Variants in PTPRU observed in about 807,000 individuals in gnomAD.
The protein encoded by PTPRU is protein tyrosine phosphatase receptor type U, also known as receptor-type tyrosine-protein phosphatase U.
PTPRU carries 69 observed loss-of-function variants against 166.3 expected under a neutral mutation model. The ratio of observed to expected loss-of-function variants is 0.41; its 90% CI spans 0.34 to 0.51. The LOEUF (loss-of-function observed/expected upper bound fraction) is 0.51, where lower values mean the gene tolerates loss of function less well. Ranked by LOEUF, PTPRU falls within the 20% of genes least tolerant of loss-of-function variation. The pLI, the probability that PTPRU is intolerant of heterozygous loss-of-function variation, is 0.09. For synonymous variants in PTPRU, 793 were observed against 814.0 expected, an observed-to-expected ratio of 0.97 and a Z score of 0.44; for missense variants, 1,657 against 2,013.7, an observed-to-expected ratio of 0.82 and a Z score of 3.39.
chr1:29,250,924 C>T (rs1291443249), intron 1 of PTPRU, among the ~76,000 whole-genome samples: 1 of 152,198 alleles, frequency 6.6e-6, no homozygotes, highest in African/African-American at 2.4e-5. Context: ...TAGAGACGGA[C>T]ATGGGTCAGG....
In PTPRU at chr1:29,258,744, G is replaced by A. The variant is rs374109095; in HGVS notation, c.445G>A (p.Ala149Thr). ...CCGTCAGTGGCACCAGGCTGAGCTGGCTGTCAGCACTTTCTGGCCCAATGA... is the reference window on the plus strand; with the variant it reads ...CCGTCAGTGGCACCAGGCTGAGCTGACTGTCAGCACTTTCTGGCCCAATGA... ...HGRQWHQAEL[A>T]VSTFWPNEYQ... Residue 149 changes from alanine to threonine, a missense_variant, in exon 3 of 30, where the codon GCT (alanine) becomes ACT (threonine). By Grantham distance (58) the Ala-to-Thr change is moderately conservative. Coordinates refer to ENST00000373779, the MANE Select transcript of PTPRU (RefSeq NM_133178.4). The A allele has an allele frequency of 1.3e-5, 21 of 1,597,070 alleles. No homozygotes were observed. The highest frequency in any genetic ancestry group is 2.7e-5 in the African/African-American group (2 of 74,608).
rs760171185 is a variant in PTPRU, at chr1:29,282,766, C to T, written c.1959C>T (p.Phe653=). The T allele has an allele frequency of 8.1e-6, 13 of 1,613,948 alleles. No homozygotes were observed. Among genetic ancestry groups the T allele is most frequent in the East Asian group, 2.2e-5 (1 of 44,886 alleles). Residue 653 remains phenylalanine (F), a synonymous_variant, in exon 12 of 30, where the codon TTC becomes TTT. Transcript: ENST00000373779. ...ACTGCTTCCCAGTGCCATTGACCTT[C>T]GAGGCGGCGCTGGCCCGAGGCCTGG... The part of the protein sequence containing the change: ...GQDCFPVPLT[F]EAALARGLVH...
Position 29,260,894 on chromosome 1 carries a change from A to G in PTPRU, c.1135A>G (p.Lys379Glu). Residue 379 changes from lysine (K) to glutamate (E), a missense_variant, in exon 7 of 30, where the codon AAA (lysine) becomes GAA (glutamate). Transcript: ENST00000373779. This position sits in a 1 kb window ranked among gnomAD's most constrained non-coding sequence, Gnocchi z 8.3. The stretch of plus-strand genomic sequence containing the variant: ...TGGGCCACCCCTCATCAGCCGCACC[A>G]AATGCGCAGGTGGGTGCAGCAGCTA... ...RPGPPLISRTKCAEPMRAPKG... is the reference protein window; with the variant it reads ...RPGPPLISRTECAEPMRAPKG... The G allele has an allele frequency of 6.4e-7, 1 of 1,572,568 alleles. No individual in the cohort carries two copies. The highest frequency in any genetic ancestry group is 8.6e-7 in the Non-Finnish European group (1 of 1,162,764).
intron 11 of PTPRU, among the ~76,000 whole-genome samples, chr1:29,282,245 A>T (rs917772124): frequency 6.6e-6 from 1 of 152,240 alleles, no homozygotes; most frequent in East Asian, 1.9e-4. Context: ...GAATCTGGCT[A>T]ACCCTGTCAT....
Position 29,260,751 on chromosome 1 carries a change from G to C in PTPRU, c.992G>C (p.Trp331Ser). ...GAGTACCGCATGGCGCGCGGGCCCT[G>C]GGCTGAGGTGCACGCCGTCAGCCTG... ...EIEYRMARGPWAEVHAVSLQT... is the reference protein window; with the variant it reads ...EIEYRMARGPSAEVHAVSLQT... Residue 331 changes from tryptophan to serine, a missense_variant, in exon 7 of 30, where the codon TGG (tryptophan) becomes TCG (serine). Trp to Ser is a radical substitution (Grantham distance 177). Around this residue, in one of 3 missense-constraint regions of PTPRU, gnomAD observed 453 missense variants for 496.9 expected, o/e 0.91. Coordinates refer to ENST00000373779, the MANE Select transcript of PTPRU (RefSeq NM_133178.4). This position sits in a 1 kb window ranked among gnomAD's most constrained non-coding sequence, Gnocchi z 8.3. The C allele has an allele frequency of 1.2e-6, 2 of 1,612,550 alleles. No homozygotes were observed. The highest frequency in any genetic ancestry group is 1.7e-6 in the Non-Finnish European group (2 of 1,179,340).
At chr1:29,312,208 C>G (rs552273896) in intron 21 of PTPRU, among the ~76,000 whole-genome samples, 13 of 152,112 alleles carry the variant, frequency 8.5e-5, no homozygotes, top group Admixed American at 3.9e-4. Flanking sequence ...GTTTTTTTTC[C>G]TTTAAATTAA....
rs140481299 is a variant in PTPRU at position 29,280,649 on chromosome 1, CTGTGTGTGTGTGTGTGTGTG to C, written c.1868+520_1868+539del. Among the ~76,000 whole-genome samples, 1 of 144,002 alleles carries C rather than the reference CTGTGTGTGTGTGTGTGTGTG, an allele frequency of 6.9e-6. No individual in the cohort carries two copies. Among genetic ancestry groups the C allele is most frequent in the Admixed American group, 6.9e-5 (1 of 14,494 alleles). 94.5% of individuals were successfully genotyped at this position (144,002 alleles called of 152,430 possible). A position where few individuals can be genotyped will look rare whatever the true frequency, so the allele number is the denominator to read the frequency against. On this transcript the variant is annotated intron_variant, in intron 11 of 29. Coordinates refer to ENST00000373779, the MANE Select transcript of PTPRU (RefSeq NM_133178.4). This position sits in a 1 kb window ranked among gnomAD's most constrained non-coding sequence, Gnocchi z 4.2. ...TGGGGAGAGGGTGCTGGAGACAAGACTGTGTGTGTGTGTGTGTGTGTGTGTGTGTGTATGTGGGATGTGAA... is the reference window on the plus strand; with the variant it reads ...TGGGGAGAGGGTGCTGGAGACAAGACTGTGTGTGTGTATGTGGGATGTGAA...
Position 29,315,304 on chromosome 1 carries a change from C to T in PTPRU, c.3228-68C>T, listed in dbSNP as rs1402752969. The T allele has an allele frequency of 1.5e-5, 24 of 1,595,004 alleles. No homozygotes were observed. The Admixed American group carries it at 3.8e-4, about 26-fold the overall frequency. ...GTAGACATGGCCAGTGCCCTCCTCT[C>T]TTCTTCTCCTTAGTCCCGGGCTTCC... is the stretch of plus-strand genomic sequence containing the variant. On this transcript the variant is annotated intron_variant, in intron 22 of 29. Transcript: ENST00000373779. This position sits in a 1 kb window ranked among gnomAD's most constrained non-coding sequence, Gnocchi z 4.5.
chr1:29,301,521 A>C (rs1687132583), intron 15 of PTPRU, among the ~76,000 whole-genome samples: 1 of 152,224 alleles, frequency 6.6e-6, no homozygotes, highest in Admixed American at 6.5e-5. Flanking sequence ...TTAAAAAGTT[A>C]ACTGTAAAAC....
intron 7 of PTPRU, among the ~76,000 whole-genome samples, chr1:29,269,886 G>T (rs1296589603): frequency 6.6e-6 from 1 of 151,874 alleles, no homozygotes. Flanking sequence ...TGCTTCATTT[G>T]CTTGGTGTTG....
chr1:29,260,133 CG>C lies in PTPRU; in HGVS notation c.850+90del. 1.1e-5 allele frequency: 4 copies of C among 352,482 alleles called. No individual in the cohort carries two copies. The highest frequency in any genetic ancestry group is 1.8e-5 in the Non-Finnish European group (4 of 228,528). 21.8% of individuals were successfully genotyped at this position (352,482 alleles called of 1,614,324 possible). On this transcript the variant is annotated intron_variant, in intron 6 of 29. Coordinates refer to ENST00000373779, the MANE Select transcript of PTPRU (RefSeq NM_133178.4). The surrounding 1 kb of genome is among the most constrained non-coding windows in gnomAD (Gnocchi z 8.3). Reference sequence around the variant, plus strand: ...GGCGGGCTCTGCCCGGGGGCGTGGCCGTGGGGGGTGGGGCCGGCAGGGTGTC... The same window carrying C: ...GGCGGGCTCTGCCCGGGGGCGTGGCCTGGGGGGTGGGGCCGGCAGGGTGTC...
rs994168591 is a variant in PTPRU, at chr1:29,260,569, G to A, written c.851-41G>A. On this transcript the variant is annotated intron_variant, in intron 6 of 29. Coordinates refer to ENST00000373779, the MANE Select transcript of PTPRU (RefSeq NM_133178.4). This position sits in a 1 kb window ranked among gnomAD's most constrained non-coding sequence, Gnocchi z 8.3. The stretch of plus-strand genomic sequence containing the variant: ...CAGAGTTGGGTGCTGGGGTCTCACA[G>A]CAGCATCGGTCCGCCTCGCCTCTCC... 6.9e-6 allele frequency: 10 copies of A among 1,442,734 alleles called. No individual in the cohort carries two copies. In the African/African-American group the frequency reaches 1.2e-4, roughly 17 times the overall value. 89.4% of individuals were successfully genotyped at this position (1,442,734 alleles called of 1,614,324 possible). A position where few individuals can be genotyped will look rare whatever the true frequency, so the allele number is the denominator to read the frequency against.
chr1:29,303,885 C>G lies in PTPRU; in HGVS notation c.2507C>G (p.Ala836Gly), dbSNP rs1215725115. 6.2e-7 allele frequency: 1 copy of G among 1,612,562 alleles called. No individual in the cohort carries two copies. Among genetic ancestry groups the G allele is most frequent in the Admixed American group, 1.7e-5 (1 of 59,974 alleles). ...GDQRSGGVTE[A>G]SSLLGGSPRR... ...CAGCGCAGCGGTGGGGTCACTGAGG[C>G]CAGCAGCCTCCTGGGGGGCTCCCCG... Residue 836 changes from alanine to glycine, a missense_variant, in exon 16 of 30, where the codon GCC becomes GGC. By Grantham distance (60) the Ala-to-Gly change is moderately conservative. This residue lies in a region of PTPRU where 1,190 missense variants were observed against 1,477.4 expected (regional missense o/e 0.81). Coordinates refer to ENST00000373779, the MANE Select transcript of PTPRU (RefSeq NM_133178.4).
chr1:29,252,696 G>A (rs957045633), intron 1 of PTPRU, among the ~76,000 whole-genome samples: 2 of 152,160 alleles, frequency 1.3e-5, no homozygotes, highest in Non-Finnish European at 2.9e-5. Context: ...CCTAGCACTG[G>A]GCCTGTGACA....
chr1:29,317,095 A>C lies in PTPRU; in HGVS notation c.3514-653A>C, dbSNP rs1266269638. ...AGGGTGTCAGGCTTTGGGGATCATG[A>C]TAGACTGTGGTTCCCTGTGAGGGAT... On this transcript the variant is annotated intron_variant, in intron 24 of 29. Coordinates refer to ENST00000373779, the MANE Select transcript of PTPRU (RefSeq NM_133178.4). The surrounding 1 kb of genome is among the most constrained non-coding windows in gnomAD (Gnocchi z 5.6). Among the ~76,000 whole-genome samples, 1 of 152,060 alleles carries C rather than the reference A, an allele frequency of 6.6e-6. No homozygotes were observed. The highest frequency in any genetic ancestry group is 2.4e-5 in the African/African-American group (1 of 41,392).
At chr1:29,286,928 T>C (rs956899601) in intron 14 of PTPRU, among the ~76,000 whole-genome samples, 5 of 152,220 alleles carry the variant, frequency 3.3e-5, no homozygotes, top group African/African-American at 1.2e-4. Context: ...TAGTACCCAC[T>C]GCATGCCCCT....
At chr1:29,266,416 G>A (rs531503931) in intron 7 of PTPRU, among the ~76,000 whole-genome samples, 18 of 152,278 alleles carry the variant, frequency 1.2e-4, no homozygotes, top group African/African-American at 4.1e-4. Flanking sequence ...ATATTCGTAA[G>A]TGTTTTAAAA....
At chr1:29,289,531 A>G (rs2151956918) in intron 14 of PTPRU, 3 of 787,590 alleles carry the variant, frequency 3.8e-6, no homozygotes, top group Middle Eastern at 6.5e-4. Flanking sequence ...CTGACCAGGG[A>G]GGTCCTCCTG....
rs538960666 is a variant in PTPRU, at chr1:29,260,496, C to T, written c.851-114C>T. ...GGTCTGGTTGAGGGCTTGGTAGCAG[C>T]GTGAGAGGCCCTAGGAGGACGGAGA... On this transcript the variant is annotated intron_variant, in intron 6 of 29. Transcript: ENST00000373779. The surrounding 1 kb of genome is among the most constrained non-coding windows in gnomAD (Gnocchi z 8.3). 103 of 799,878 alleles carry T rather than the reference C, an allele frequency of 1.3e-4. 3 individuals carry two copies. The South Asian group carries it at 1.7e-3, about 13-fold the overall frequency. The allele number at this position is 799,878 out of a possible 1,614,324, so 49.5% of individuals were successfully genotyped here.
Sources: gnomAD v4.1 joint callset for allele counts (sites outside exome capture counted in the v4.1 genomes callset) on GRCh38, gnomAD v4.1.1 for gene constraint, gnomAD v4.1.1 regional missense constraint, Gnocchi (gnomAD v3.1) non-coding constraint, MANE v1.5 for transcripts, NCBI Gene and HGNC (gene_info 2026-07-23, HGNC 2026-07-21) for gene names.